Variants in TMEM266 observed in about 807,000 individuals in gnomAD.
TMEM266 encodes the protein transmembrane protein 266.
In TMEM266, 33 loss-of-function variants were observed where a neutral mutation model predicts 50.5. The observed-to-expected ratio is 0.65, with a 90% CI of 0.50 to 0.87. The LOEUF is 0.87. Ranked by LOEUF, TMEM266 falls within the 40% of genes least tolerant of loss-of-function variation. The pLI, the probability that TMEM266 is intolerant of heterozygous loss-of-function variation, is 0.00. For synonymous variants in TMEM266, 310 were observed against 292.3 expected (o/e 1.06, Z -0.62); for missense variants, 655 against 695.1 (o/e 0.94, Z 0.65).
At chr15:76,112,972 A>G (rs1383796228) in intron 1 of TMEM266, 3 of 152,130 alleles carry the variant, frequency 2.0e-5, no homozygotes, top group Non-Finnish European at 4.4e-5. Flanking sequence ...CAGTTCTGAA[A>G]GTTTGGATTG....
At chr15:76,125,871 G>C (rs376160289) in intron 1 of TMEM266, among the ~76,000 whole-genome samples, 12 of 150,320 alleles carry the variant, frequency 8.0e-5, no homozygotes, top group African/African-American at 2.4e-4. Context: ...AAAAGGCAGT[G>C]GGGGGGATGG....
chr15:76,165,660 G>C (rs1306086929), intron 5 of TMEM266, among the ~76,000 whole-genome samples: 1 of 152,164 alleles, frequency 6.6e-6, no homozygotes, highest in African/African-American at 2.4e-5. Context: ...ATCCCTCATC[G>C]TCACCCTGCT....
chr15:76,113,631 C>G (rs974869406), intron 1 of TMEM266: 1 of 152,146 alleles, frequency 6.6e-6, no homozygotes, highest in African/African-American at 2.4e-5. Flanking sequence ...CCTGAAGCAC[C>G]GGGCACGGTG....
intron 2 of TMEM266, 91 bp downstream of exon 2, chr15:76,134,392 T>C (rs569788665): frequency 2.2e-6 from 3 of 1,394,686 alleles, no homozygotes; most frequent in East Asian, 2.3e-5. Context: ...GCAGCCACTA[T>C]GTACATTTCC....
At chr15:76,126,669 T>C (rs547595772) in intron 1 of TMEM266, among the ~76,000 whole-genome samples, 2 of 151,700 alleles carry the variant, frequency 1.3e-5, no homozygotes, top group Non-Finnish European at 2.9e-5. Flanking sequence ...GTAGCTGGGA[T>C]TACAGGCGCC....
At chr15:76,136,948 G>T (rs2037599087) in intron 2 of TMEM266, among the ~76,000 whole-genome samples, 1 of 152,228 alleles carries the variant, frequency 6.6e-6, no homozygotes, top group Non-Finnish European at 1.5e-5. Context: ...AGGCGGTACT[G>T]CCCTGGCTGA....
chr15:76,174,742 CCATTA>C (rs1374357307), intron 7 of TMEM266: 1 of 152,228 alleles, frequency 6.6e-6, no homozygotes, highest in African/African-American at 2.4e-5. Context: ...CTGTTCTGTT[CCATTA>C]CATTTCATAT....
chr15:76,156,386 A>G (rs905084378), intron 3 of TMEM266, among the ~76,000 whole-genome samples: 2 of 152,122 alleles, frequency 1.3e-5, no homozygotes, highest in Admixed American at 1.3e-4. Context: ...GAAAAGAAAA[A>G]AAAAGTGGCC....
chr15:76,135,373 T>C (rs1037824653), intron 2 of TMEM266, among the ~76,000 whole-genome samples: 2 of 152,144 alleles, frequency 1.3e-5, no homozygotes, highest in Non-Finnish European at 2.9e-5. Context: ...TGGCCAGAGA[T>C]GGTGCCGGGC....
intron 5 of TMEM266, among the ~76,000 whole-genome samples, chr15:76,164,097 A>C (rs1162372794): frequency 6.6e-6 from 1 of 152,062 alleles, no homozygotes. Context: ...GTCTCTGTGA[A>C]CTTAACTCTT....
intron 9 of TMEM266, among the ~76,000 whole-genome samples, chr15:76,200,672 T>A (rs993441582): frequency 6.6e-6 from 1 of 151,988 alleles, no homozygotes; most frequent in African/African-American, 2.4e-5. Context: ...GGCCTGGGGG[T>A]CCTGAGCCTC....
intron 1 of TMEM266, among the ~76,000 whole-genome samples, chr15:76,079,670 C>G (rs1464609982): frequency 6.7e-6 from 1 of 150,296 alleles, no homozygotes. Context: ...TGCCTGTAAT[C>G]CCAGCTACTC....
intron 8 of TMEM266, chr15:76,176,417 C>T (rs1199391506): frequency 1.3e-5 from 2 of 152,938 alleles, no homozygotes. Context: ...CGCAGCAAGG[C>T]TGAGAGCTCT....
At chr15:76,115,006 C>T (rs1336955388) in intron 1 of TMEM266, among the ~76,000 whole-genome samples, 1 of 152,142 alleles carries the variant, frequency 6.6e-6, no homozygotes, top group African/African-American at 2.4e-5. Flanking sequence ...CACAGTGGCT[C>T]ACACCCATAA....
chr15:76,099,249 C>G (rs902550898), intron 1 of TMEM266, among the ~76,000 whole-genome samples: 1 of 152,198 alleles, frequency 6.6e-6, no homozygotes, highest in South Asian at 2.1e-4. Context: ...TTGCGTGTTG[C>G]GAAGACAGTG....
intron 8 of TMEM266, chr15:76,178,588 G>C (rs137908395): frequency 6.6e-6 from 1 of 152,156 alleles, no homozygotes; most frequent in Non-Finnish European, 1.5e-5. Context: ...AAATCCTAAC[G>C]GCAACCCCAC....
At chr15:76,121,837 T>G (rs2037351789) in intron 1 of TMEM266, among the ~76,000 whole-genome samples, 1 of 152,232 alleles carries the variant, frequency 6.6e-6, no homozygotes, top group African/African-American at 2.4e-5. Flanking sequence ...CTTGATAGTC[T>G]TTCACTATTC....
intron 1 of TMEM266, among the ~76,000 whole-genome samples, chr15:76,080,357 T>C (rs1365004901): frequency 2.0e-4 from 2 of 10,046 alleles, no homozygotes; most frequent in South Asian, 5.5e-3. Context: ...GGTCAAGCGA[T>C]TCTCCTGCCT....
At chr15:76,106,470 G>A (rs565388247) in intron 1 of TMEM266, among the ~76,000 whole-genome samples, 7 of 151,944 alleles carry the variant, frequency 4.6e-5, no homozygotes, top group Non-Finnish European at 1.0e-4. Flanking sequence ...ACACGGTCTC[G>A]CTCTGTCACC....
Sources: gnomAD v4.1 joint callset for allele counts (sites outside exome capture counted in the v4.1 genomes callset) on GRCh38, gnomAD v4.1.1 for gene constraint, MANE v1.5 for transcripts, NCBI Gene and HGNC (gene_info 2026-07-23, HGNC 2026-07-21) for gene names.